Variants in COL18A1 observed in about 807,000 individuals in gnomAD.
COL18A1 encodes collagen alpha-1(XVIII) chain.
COL18A1 carries 133 observed loss-of-function variants against 168.0 expected under a neutral mutation model. The observed-to-expected ratio is 0.79, with a 90% CI of 0.69 to 0.91. COL18A1 has a LOEUF of 0.91. COL18A1 is among the 40% of genes least tolerant of loss of function. COL18A1 has a pLI of 0.00. For missense variants in COL18A1, 2,126 were observed against 1,925.4 expected (o/e 1.10, Z -1.95); for synonymous variants, 949 against 809.0 (o/e 1.17, Z -2.94).
At chr21:45,505,786 TGCCCCCC>T in intron 36 of COL18A1, 45 bp from the exon 37 acceptor site, 2 of 939,190 alleles carry the variant, frequency 2.1e-6, no homozygotes, top group Non-Finnish European at 3.2e-6. Flanking sequence ...CTTCCGCCCC[TGCCCCCC>T]GCCCTCCCCG....
At chr21:45,444,279 G>C (rs1183697973) in intron 2 of COL18A1, among the ~76,000 whole-genome samples, 1 of 152,178 alleles carries the variant, frequency 6.6e-6, no homozygotes, top group Non-Finnish European at 1.5e-5. Flanking sequence ...AGGAGCACGG[G>C]TGTGCGTGTG....
chr21:45,455,412 C>T, intron 2 of COL18A1: 2 of 1,441,394 alleles, frequency 1.4e-6, no homozygotes, highest in East Asian at 2.3e-5. Flanking sequence ...GGGTGGAAGA[C>T]AGCCGGCCAG....
intron 2 of COL18A1, among the ~76,000 whole-genome samples, chr21:45,453,636 C>T (rs74954577): frequency 1.3e-5 from 2 of 151,988 alleles, no homozygotes; most frequent in African/African-American, 2.4e-5. Context: ...TCTCAAAGCA[C>T]TTAGAGGTGG....
chr21:45,431,329 C>T (rs1018737197), intron 2 of COL18A1, among the ~76,000 whole-genome samples: 3 of 130,118 alleles, frequency 2.3e-5, no homozygotes, highest in Non-Finnish European at 4.7e-5. Context: ...GCAGAGACAG[C>T]GGAGCGTGTG....
chr21:45,491,452 C>A, intron 22 of COL18A1, 138 bp downstream of exon 22: 1 of 462,060 alleles, frequency 2.2e-6, no homozygotes, highest in Non-Finnish European at 3.9e-6. Flanking sequence ...ACTCCACCTC[C>A]TCGGTGGGGG....
chr21:45,472,409 G>A (rs923051527), intron 3 of COL18A1, among the ~76,000 whole-genome samples: 1 of 152,196 alleles, frequency 6.6e-6, no homozygotes, highest in Non-Finnish European at 1.5e-5. Flanking sequence ...ATTATTAGTA[G>A]AGACGGGGTT....
At chr21:45,432,444 G>A (rs1170377624) in intron 2 of COL18A1, among the ~76,000 whole-genome samples, 2 of 152,222 alleles carry the variant, frequency 1.3e-5, no homozygotes, top group Non-Finnish European at 2.9e-5. Context: ...ACAGGGCCTG[G>A]AGTGGGATGG....
intron 2 of COL18A1, among the ~76,000 whole-genome samples, chr21:45,431,010 G>C (rs994473405): frequency 2.0e-5 from 3 of 152,256 alleles, no homozygotes; most frequent in African/African-American, 7.2e-5. Context: ...CTGTTGACGG[G>C]CGGGCCGAGC....
chr21:45,477,927 C>A lies in COL18A1; in HGVS notation c.1183C>A (p.Pro395Thr). The change falls in exon 8 of 42, where the codon CCG becomes ACG. Residue 395 changes from proline (P) to threonine (T), a missense_variant. Physicochemically the swap from Pro to Thr is conservative, Grantham distance 38. Transcript: ENST00000651438. ...CGGACCACAAGGACCCCCAGGGCCTCCGGGGAGGGACGGCACCCCTGGAAG... is the reference window on the plus strand; with the variant it reads ...CGGACCACAAGGACCCCCAGGGCCTACGGGGAGGGACGGCACCCCTGGAAG... ...VPGPQGPPGPPGRDGTPGRDG... is the reference protein window; with the variant it reads ...VPGPQGPPGPTGRDGTPGRDG... 1 of 1,563,896 alleles carries A rather than the reference C, an allele frequency of 6.4e-7. No homozygotes were observed. The highest frequency in any genetic ancestry group is 2.4e-5 in the East Asian group (1 of 41,926).
At chr21:45,421,262 C>T (rs2033614223) in intron 2 of COL18A1, 1 of 375,714 alleles carries the variant, frequency 2.7e-6, no homozygotes, top group Non-Finnish European at 5.4e-6. Flanking sequence ...AAAGGTGAAG[C>T]CAGATCTGGG....
intron 2 of COL18A1, among the ~76,000 whole-genome samples, chr21:45,415,565 G>A (rs868123315): frequency 6.6e-6 from 1 of 152,308 alleles, no homozygotes; most frequent in South Asian, 2.1e-4. Flanking sequence ...GGATGCAGGT[G>A]GGAACCAGCG....
intron 34 of COL18A1, 141 bp from the exon 35 acceptor site, chr21:45,504,993 T>C (rs1451383541): frequency 8.5e-6 from 9 of 1,062,800 alleles, no homozygotes; most frequent in Non-Finnish European, 9.7e-6. Context: ...TTTCTCAGGC[T>C]ATGGCGTGGG....
intron 15 of COL18A1, among the ~76,000 whole-genome samples, chr21:45,486,574 C>G (rs9979895): frequency 0.28 from 40,477 of 143,492 alleles, 6,162 homozygotes; most frequent in African/African-American, 0.33. Flanking sequence ...CGAGGGTGCC[C>G]TGTGCACCTC....
At chr21:45,451,688 T>C (rs1177181114) in intron 2 of COL18A1, among the ~76,000 whole-genome samples, 1 of 152,190 alleles carries the variant, frequency 6.6e-6, no homozygotes, top group African/African-American at 2.4e-5. Flanking sequence ...TGAAGGCTGC[T>C]TCCTCTATGA....
chr21:45,438,281 C>T (rs1460543034), intron 2 of COL18A1, among the ~76,000 whole-genome samples: 4 of 121,292 alleles, frequency 3.3e-5, no homozygotes, highest in Non-Finnish European at 6.8e-5. Flanking sequence ...GACACACAGG[C>T]ACTCTCCTGC....
intron 3 of COL18A1, among the ~76,000 whole-genome samples, chr21:45,472,495 G>GC (rs763416953): frequency 9.9e-5 from 15 of 152,202 alleles, no homozygotes; most frequent in Non-Finnish European, 2.1e-4. Context: ...ACAGGCGTGA[G>GC]CCACTGCGCC....
At chr21:45,491,461 G>T in intron 22 of COL18A1, 147 bp downstream of exon 22, 1 of 662,624 alleles carries the variant, frequency 1.5e-6, no homozygotes, top group Non-Finnish European at 2.8e-6. Flanking sequence ...CCTCGGTGGG[G>T]GCTGCAGACG....
intron 2 of COL18A1, among the ~76,000 whole-genome samples, chr21:45,439,993 C>T (rs9981397): frequency 0.2 from 30,764 of 152,264 alleles, 3,112 homozygotes; most frequent in East Asian, 0.25. Context: ...CCGCACCTCC[C>T]ACCCCTTCTG....
chr21:45,475,605 C>G (rs915070312), intron 5 of COL18A1, 70 bp downstream of exon 5: 1 of 1,290,220 alleles, frequency 7.8e-7, no homozygotes, highest in African/African-American at 1.5e-5. Context: ...AGTGGGGTGA[C>G]ACATGTGCAC....
Sources: allele counts gnomAD v4.1 joint callset (sites outside exome capture counted in the v4.1 genomes callset), GRCh38; gene constraint gnomAD v4.1.1; transcripts MANE v1.5; gene names NCBI Gene and HGNC (gene_info 2026-07-23, HGNC 2026-07-21).